The following GDAP1 variants were observed in gnomAD, a reference collection of about 807,000 sequenced individuals.
GDAP1 encodes ganglioside induced differentiation associated protein 1, also known as ganglioside-induced differentiation-associated protein 1.
In GDAP1, 34 loss-of-function variants were observed where a neutral mutation model predicts 40.1. That is an observed-to-expected ratio of 0.85 (90% CI 0.64 to 1.13). The LOEUF is 1.13. Among genes scored for constraint, GDAP1 ranks in the 50% most tolerant of loss-of-function variants. GDAP1 has a pLI of 0.00. For missense variants in GDAP1, 374 were observed against 433.7 expected (o/e 0.86, Z 1.22); for synonymous variants, 170 against 157.4 (o/e 1.08, Z -0.60).
At chr8:74,427,344 C>T (rs906921269) in intron 2 of GDAP1, among the ~76,000 whole-genome samples, 2 of 152,094 alleles carry the variant, frequency 1.3e-5, no homozygotes, top group African/African-American at 4.8e-5. Flanking sequence ...ATTTCCTGAC[C>T]CATAGAATTG....
At chr8:74,350,829 A>G (rs1808825773) in intron 1 of GDAP1, among the ~76,000 whole-genome samples, 1 of 152,210 alleles carries the variant, frequency 6.6e-6, no homozygotes, top group African/African-American at 2.4e-5. Context: ...CATCATTTTC[A>G]GTATTTGGTC....
intron 2 of GDAP1, among the ~76,000 whole-genome samples, chr8:74,409,206 A>G (rs951416281): frequency 1.3e-5 from 2 of 150,174 alleles, no homozygotes; most frequent in Non-Finnish European, 2.9e-5. Flanking sequence ...CCTTTGGCCT[A>G]TGATTAGATG....
intron 2 of GDAP1, among the ~76,000 whole-genome samples, chr8:74,357,957 T>A (rs1809182947): frequency 6.6e-6 from 1 of 152,212 alleles, no homozygotes. Context: ...TTTGAAAAAC[T>A]CTTTTATCAG....
intron 2 of GDAP1, among the ~76,000 whole-genome samples, chr8:74,374,673 T>C (rs531596590): frequency 6.2e-4 from 95 of 152,236 alleles, no homozygotes; most frequent in Non-Finnish European, 1.2e-3. Flanking sequence ...GGGATGTCAC[T>C]ACATATCCCG....
chr8:74,396,525 T>G (rs1462340548), intron 2 of GDAP1, among the ~76,000 whole-genome samples: 1 of 150,508 alleles, frequency 6.6e-6, no homozygotes, highest in Non-Finnish European at 1.5e-5. Flanking sequence ...CCCACAACAG[T>G]CCCCAGAGTG....
chr8:74,445,633 A>G (rs981785932), intron 2 of GDAP1, among the ~76,000 whole-genome samples: 1 of 152,178 alleles, frequency 6.6e-6, no homozygotes, highest in African/African-American at 2.4e-5. Flanking sequence ...TTCTTTTGGT[A>G]CACACATGCT....
At chr8:74,370,380 G>A (rs1809727693), downstream of GDAP1, among the ~76,000 whole-genome samples, 1 of 152,222 alleles carries the variant, frequency 6.6e-6, no homozygotes, top group African/African-American at 2.4e-5. Flanking sequence ...AAAGAATGAA[G>A]TGTGAGGACA....
chr8:74,435,145 T>C (rs2131567324), intron 2 of GDAP1, among the ~76,000 whole-genome samples: 1 of 152,226 alleles, frequency 6.6e-6, no homozygotes, highest in East Asian at 1.9e-4. Context: ...AAATGACTTC[T>C]TAGAAATCTT....
intron 2 of GDAP1, among the ~76,000 whole-genome samples, chr8:74,479,785 A>C (rs2128721454): frequency 6.6e-6 from 1 of 152,254 alleles, no homozygotes; most frequent in East Asian, 1.9e-4. Flanking sequence ...AAAATCCTTC[A>C]TTATGCAGCA....
At chr8:74,445,079 C>A (rs1463347676) in intron 2 of GDAP1, among the ~76,000 whole-genome samples, 1 of 152,140 alleles carries the variant, frequency 6.6e-6, no homozygotes, top group Non-Finnish European at 1.5e-5. Context: ...AGTTCAACGT[C>A]CTAGTCGACA....
chr8:74,476,046 G>A (rs1256148426), intron 2 of GDAP1, among the ~76,000 whole-genome samples: 1 of 152,048 alleles, frequency 6.6e-6, no homozygotes, highest in Non-Finnish European at 1.5e-5. Flanking sequence ...ACCCTTCTTT[G>A]TCTTTTTTGA....
intron 2 of GDAP1, among the ~76,000 whole-genome samples, chr8:74,398,228 T>C (rs1419034350): frequency 1.3e-5 from 2 of 152,238 alleles, no homozygotes; most frequent in African/African-American, 2.4e-5. Context: ...AATGGCCTTC[T>C]TTGTCTCTTT....
At chr8:74,447,830 A>C (rs7846387) in intron 2 of GDAP1, among the ~76,000 whole-genome samples, 50,852 of 152,116 alleles carry the variant, frequency 0.33, 8,868 homozygotes, top group Middle Eastern at 0.48. Context: ...AATATTATAT[A>C]AAATGACCTT....
chr8:74,449,893 G>A (rs898495023), intron 2 of GDAP1, among the ~76,000 whole-genome samples: 1 of 151,634 alleles, frequency 6.6e-6, no homozygotes, highest in African/African-American at 2.4e-5. Context: ...AAATGGTTTT[G>A]TCTGCATCTT....
chr8:74,403,452 A>G (rs1207225718), intron 2 of GDAP1, among the ~76,000 whole-genome samples: 1 of 150,314 alleles, frequency 6.7e-6, no homozygotes, highest in Non-Finnish European at 1.5e-5. Flanking sequence ...TGAATATCTC[A>G]GTTTACCCGT....
intron 2 of GDAP1, among the ~76,000 whole-genome samples, chr8:74,395,984 A>G (rs1810192047): frequency 1.3e-5 from 2 of 152,344 alleles, no homozygotes; most frequent in Admixed American, 6.5e-5. Context: ...GTAAGAGTAA[A>G]TGTCAGAGTG....
chr8:74,391,987 T>A (rs1278424582), intron 2 of GDAP1, among the ~76,000 whole-genome samples: 3 of 152,054 alleles, frequency 2.0e-5, no homozygotes, highest in African/African-American at 7.2e-5. Context: ...CCCAGCAAAT[T>A]TTTGTATTTT....
intron 2 of GDAP1, among the ~76,000 whole-genome samples, chr8:74,404,209 T>C (rs1260399855): frequency 4.0e-5 from 6 of 149,866 alleles, no homozygotes; most frequent in Non-Finnish European, 8.8e-5. Context: ...AAAAAAATCC[T>C]GTCTTAGGCT....
intron 2 of GDAP1, among the ~76,000 whole-genome samples, chr8:74,393,679 CTA>C (rs889738136): frequency 1.3e-5 from 2 of 152,254 alleles, no homozygotes; most frequent in African/African-American, 4.8e-5. Context: ...AATTAAAAAA[CTA>C]AACTCCTGCC....
Sources: gnomAD v4.1 joint callset for allele counts (sites outside exome capture counted in the v4.1 genomes callset) on GRCh38, gnomAD v4.1.1 for gene constraint, MANE v1.5 for transcripts, NCBI Gene and HGNC (gene_info 2026-07-23, HGNC 2026-07-21) for gene names.